Variants in PALS2 observed in about 807,000 individuals in gnomAD.
PALS2 encodes protein associated with LIN7 2, MAGUK p55 family member.
Under a neutral mutation model 61.6 loss-of-function variants are expected in PALS2, and 27 were observed. The observed-to-expected ratio is 0.44, with a 90% confidence interval of 0.32 to 0.60. The LOEUF (loss-of-function observed/expected upper bound fraction) is 0.60. Ranked by LOEUF, PALS2 falls within the 20% of genes least tolerant of loss-of-function variation. PALS2 has a pLI of 0.05. For missense variants in PALS2, 554 were observed against 639.4 expected (o/e 0.87, Z 1.44); for synonymous variants, 236 against 218.6 (o/e 1.08, Z -0.70).
At chr7:24,682,896 G>A (rs1788007545) in intron 11 of PALS2, among the ~76,000 whole-genome samples, 4 of 151,950 alleles carry the variant, frequency 2.6e-5, no homozygotes, top group Admixed American at 2.6e-4. Context: ...TCTATTTCCT[G>A]TAAACTGATA....
chr7:24,634,557 A>C (rs1335516397), intron 2 of PALS2, among the ~76,000 whole-genome samples: 1 of 152,048 alleles, frequency 6.6e-6, no homozygotes, highest in Non-Finnish European at 1.5e-5. Flanking sequence ...AATTTGATGA[A>C]GTCCAAGTTG....
At chr7:24,654,842 A>G (rs1051786861) in intron 5 of PALS2, among the ~76,000 whole-genome samples, 15 of 149,362 alleles carry the variant, frequency 1.0e-4, no homozygotes, top group South Asian at 2.1e-4. Context: ...AGCATGATCA[A>G]TGGACTTTTA....
chr7:24,625,204 G>GTTCTTATTGTAC (rs1784690241), intron 2 of PALS2, among the ~76,000 whole-genome samples: 1 of 151,984 alleles, frequency 6.6e-6, no homozygotes. Context: ...GTTTACCTGG[G>GTTCTTATTGTAC]TTCTTATTGT....
intron 2 of PALS2, among the ~76,000 whole-genome samples, chr7:24,625,678 A>G (rs1784709584): frequency 6.6e-6 from 1 of 152,232 alleles, no homozygotes; most frequent in Non-Finnish European, 1.5e-5. Flanking sequence ...TTGGTCTTTC[A>G]GAGGATTATC....
chr7:24,642,841 A>G (rs992759594), intron 3 of PALS2, among the ~76,000 whole-genome samples: 1 of 152,142 alleles, frequency 6.6e-6, no homozygotes, highest in Non-Finnish European at 1.5e-5. Context: ...TTATAAAGGC[A>G]TACTGAGTTA....
chr7:24,665,814 C>CT (rs1437902262), intron 7 of PALS2, 127 bp downstream of exon 7: 15 of 988,986 alleles, frequency 1.5e-5, no homozygotes, highest in Non-Finnish European at 7.5e-6. Context: ...TCTGCTTTCT[C>CT]TCGCTCATAA....
chr7:24,685,024 C>T (rs937046908), intron 11 of PALS2, among the ~76,000 whole-genome samples: 7 of 151,806 alleles, frequency 4.6e-5, no homozygotes, highest in South Asian at 2.1e-4. Flanking sequence ...GAATGTGTGC[C>T]GTGGTGGTTT....
chr7:24,602,971 A>G (rs571836081), intron 1 of PALS2, among the ~76,000 whole-genome samples: 2 of 152,250 alleles, frequency 1.3e-5, no homozygotes, highest in East Asian at 3.9e-4. Context: ...GCCTTCCACC[A>G]TGATTGTAAG....
intron 1 of PALS2, among the ~76,000 whole-genome samples, chr7:24,609,267 C>T (rs1443143073): frequency 6.6e-6 from 1 of 152,146 alleles, no homozygotes; most frequent in Non-Finnish European, 1.5e-5. Flanking sequence ...CCTCCTCCCA[C>T]CAGCCTTCTA....
intron 2 of PALS2, among the ~76,000 whole-genome samples, chr7:24,639,277 A>C (rs1351928397): frequency 2.0e-5 from 3 of 152,252 alleles, no homozygotes; most frequent in Non-Finnish European, 4.4e-5. Context: ...ATGAGAGTTC[A>C]AGTCTTGGTG....
rs1169159703 is a variant in PALS2 at position 24,573,494 on chromosome 7, G to A, written c.-102G>A. ...CTACGAGCCACGAGTTTGCAGATGG[G>A]GCTGCTCGGCGGCGCCTGTGGCTGA... On this transcript the variant is annotated 5_prime_UTR_variant, in exon 1 of 12. Transcript: ENST00000222644. This position sits in a 1 kb window ranked among gnomAD's most constrained non-coding sequence, Gnocchi z 5.3. 1.3e-5 allele frequency: 5 copies of A among 386,694 alleles called. No individual in the cohort carries two copies. In the Admixed American group the frequency reaches 2.2e-4, roughly 17 times the overall value. 24.0% of individuals were successfully genotyped at this position (386,694 alleles called of 1,614,324 possible). A position where few individuals can be genotyped will look rare whatever the true frequency, so the allele number is the denominator to read the frequency against.
intron 1 of PALS2, among the ~76,000 whole-genome samples, chr7:24,602,578 TAGTC>T (rs1783758186): frequency 6.6e-6 from 1 of 152,302 alleles, no homozygotes; most frequent in South Asian, 2.1e-4. Context: ...AGGCTTCAGA[TAGTC>T]AGGAGGGAGA....
chr7:24,686,251 C>T (rs1788198351), intron 11 of PALS2, among the ~76,000 whole-genome samples: 1 of 152,200 alleles, frequency 6.6e-6, no homozygotes, highest in African/African-American at 2.4e-5. Flanking sequence ...CTGTCACCAT[C>T]ATAACCTAGG....
chr7:24,604,865 T>C (rs959071572), intron 1 of PALS2, among the ~76,000 whole-genome samples: 1 of 152,156 alleles, frequency 6.6e-6, no homozygotes, highest in Non-Finnish European at 1.5e-5. Context: ...GCCTAGGCCA[T>C]AGCACTGATC....
At position 24,649,595 on chromosome 7, in the gene PALS2, A is replaced by G. The variant is rs1230467287; in HGVS notation, c.271-17A>G. Reference sequence around the variant, plus strand: ...CACATATCATAAATAACCACAGGCTATTTTGACTCCTTATAGTCACTGTTG... The same window carrying G: ...CACATATCATAAATAACCACAGGCTGTTTTGACTCCTTATAGTCACTGTTG... On this transcript the variant is annotated splice_polypyrimidine_tract_variant and intron_variant, in intron 3 of 11. Coordinates refer to ENST00000222644, the MANE Select transcript of PALS2 (RefSeq NM_001303037.2). 5 of 1,540,722 alleles carry G rather than the reference A, an allele frequency of 3.2e-6. No individual in the cohort carries two copies. The South Asian group carries it at 3.9e-5, about 12-fold the overall frequency.
At chr7:24,663,811 C>A in intron 6 of PALS2, 90 bp downstream of exon 6, 1 of 1,412,002 alleles carries the variant, frequency 7.1e-7, no homozygotes, top group Non-Finnish European at 9.7e-7. Context: ...AGAATATTAG[C>A]ATTTGTTACA....
intron 9 of PALS2, among the ~76,000 whole-genome samples, chr7:24,671,102 ACT>A (rs1209424450): frequency 6.6e-6 from 1 of 152,148 alleles, no homozygotes; most frequent in Non-Finnish European, 1.5e-5. Flanking sequence ...GAACTTCCAC[ACT>A]GTTTTCCACA....
chr7:24,678,637 A>G (rs1787751058), intron 9 of PALS2, among the ~76,000 whole-genome samples: 1 of 152,178 alleles, frequency 6.6e-6, no homozygotes, highest in Admixed American at 6.5e-5. Context: ...ATTCCTAAGG[A>G]GAAGGAGAGT....
intron 2 of PALS2, among the ~76,000 whole-genome samples, chr7:24,631,851 A>G (rs929759317): frequency 6.6e-6 from 1 of 152,248 alleles, no homozygotes; most frequent in Non-Finnish European, 1.5e-5. Context: ...AAATTAAGGT[A>G]TGTATATTGT....
Sources: gnomAD v4.1 joint callset for allele counts (sites outside exome capture counted in the v4.1 genomes callset) on GRCh38, gnomAD v4.1.1 for gene constraint, Gnocchi (gnomAD v3.1) non-coding constraint, MANE v1.5 for transcripts, NCBI Gene and HGNC (gene_info 2026-07-23, HGNC 2026-07-21) for gene names.